ZFR2: variants seen among roughly 807,000 people sequenced by gnomAD.
ZFR2 encodes the protein zinc finger RNA binding protein 2.
Under a neutral mutation model 105.7 loss-of-function variants are expected in ZFR2, and 104 were observed. The ratio of observed to expected loss-of-function variants is 0.98; its 90% CI spans 0.84 to 1.16. ZFR2 has a LOEUF of 1.16. ZFR2 is among the 50% of genes most tolerant of loss of function. ZFR2 has a pLI of 0.00. For synonymous variants in ZFR2, 634 were observed against 597.7 expected (o/e 1.06, Z -0.89); for missense variants, 1,425 against 1,355.5 (o/e 1.05, Z -0.80).
At chr19:3,831,191 CCTT>C in intron 5 of ZFR2, 109 bp downstream of exon 5, 1 of 1,394,198 alleles carries the variant, frequency 7.2e-7, no homozygotes, top group Non-Finnish European at 9.4e-7. Context: ...TAACACCAGA[CCTT>C]CTTTCAGCAG....
Position 3,825,423 on chromosome 19 carries a change from C to T in ZFR2, c.1036-16G>A. On this transcript the variant is annotated splice_polypyrimidine_tract_variant and intron_variant, in intron 6 of 18. Coordinates refer to ENST00000262961, the MANE Select transcript of ZFR2 (RefSeq NM_015174.2). ...GCTTGAAGACCTGCAACAGACAGAG[C>T]CGGGCTCCCGCGTGAGGGCCGCTCC... 1 of 1,555,392 alleles carries T rather than the reference C, an allele frequency of 6.4e-7. No individual in the cohort carries two copies. Among genetic ancestry groups the T allele is most frequent in the Non-Finnish European group, 8.7e-7 (1 of 1,154,070 alleles).
chr19:3,820,242 G>C lies in ZFR2; in HGVS notation c.1680C>G (p.Pro560=). The C allele has an allele frequency of 6.5e-7, 1 of 1,549,636 alleles. No homozygotes were observed. The highest frequency in any genetic ancestry group is 8.7e-7 in the Non-Finnish European group (1 of 1,146,896). The stretch of plus-strand genomic sequence containing the variant: ...CCATGAGCAGAGGCTGGGCCCAGTC[G>C]GGCGGCGCGTGGGGCGGCACGTCCT... ...PPQDVPPHAP[P]DWAQPLLMGR... is the part of the protein sequence containing the mutation. Residue 560 remains proline, a synonymous_variant, in exon 11 of 19, where the codon CCC becomes CCG. Coordinates refer to ENST00000262961, the MANE Select transcript of ZFR2 (RefSeq NM_015174.2).
chr19:3,831,951 G>A, intron 3 of ZFR2, 73 bp from the exon 4 acceptor site: 1 of 1,307,658 alleles, frequency 7.6e-7, no homozygotes, highest in Non-Finnish European at 1.0e-6. Context: ...ATGGGCCCTG[G>A]ACTCAACTGG....
chr19:3,831,162 A>T, intron 5 of ZFR2, 141 bp downstream of exon 5: 1 of 1,209,350 alleles, frequency 8.3e-7, no homozygotes, highest in Non-Finnish European at 1.1e-6. Flanking sequence ...CACACAGGCC[A>T]TGCATACAAC....
At position 3,811,318 on chromosome 19, in the gene ZFR2, T is replaced by G; in HGVS notation, c.2291A>C (p.Lys764Thr). The change falls in exon 15 of 19, where the codon AAG (lysine) becomes ACG (threonine). Residue 764 changes from lysine to threonine, a missense_variant. Transcript: ENST00000262961. ...ADAGDVLSPK[K>T]CLESLAALRH... ...GAGGGCGGCCAGGGACTCGAGGCAC[T>G]TCTTGGGGCTCAGGACATCACCTGC... 6.2e-7 allele frequency: 1 copy of G among 1,605,864 alleles called. No homozygotes were observed. Among genetic ancestry groups the G allele is most frequent in the Non-Finnish European group, 8.5e-7 (1 of 1,176,832 alleles).
chr19:3,823,447 A>G lies in ZFR2; in HGVS notation c.1214-44T>C. Reference sequence around the variant, plus strand: ...TCACTTATACCCTGTTCCAGGAGAAAGCACTGCAGCTGCAGACCCGCCAGG... The same window carrying G: ...TCACTTATACCCTGTTCCAGGAGAAGGCACTGCAGCTGCAGACCCGCCAGG... On this transcript the variant is annotated intron_variant, in intron 7 of 18. Transcript: ENST00000262961. This position sits in a 1 kb window ranked among gnomAD's most constrained non-coding sequence, Gnocchi z 5.4. 1.0e-5 allele frequency: 16 copies of G among 1,534,766 alleles called. No individual in the cohort carries two copies. Among genetic ancestry groups the G allele is most frequent in the Non-Finnish European group, 1.4e-5 (16 of 1,142,082 alleles).
chr19:3,817,285 G>A lies in ZFR2; in HGVS notation c.1932-440C>T, dbSNP rs181754714. Reference sequence around the variant, plus strand: ...GAAAATTCACAAACCTAGGCCGGGCGCAGTGGCTCACGCCTGTAATCCCAG... The same window carrying A: ...GAAAATTCACAAACCTAGGCCGGGCACAGTGGCTCACGCCTGTAATCCCAG... On this transcript the variant is annotated intron_variant, in intron 12 of 18. Transcript: ENST00000262961. Among the ~76,000 whole-genome samples the A allele has an allele frequency of 2.8e-3, 424 of 152,114 alleles. 3 individuals are homozygous for A. Among genetic ancestry groups the A allele is most frequent in the African/African-American group, 9.5e-3 (395 of 41,480 alleles).
chr19:3,805,837 T>C lies in ZFR2; in HGVS notation c.*112A>G, dbSNP rs1420163869. Reference sequence around the variant, plus strand: ...TTAAAGGAAACCTACAGAGCGTTACTCAAAAGGAAATGACCATTGTCCAAC... The same window carrying C: ...TTAAAGGAAACCTACAGAGCGTTACCCAAAAGGAAATGACCATTGTCCAAC... On this transcript the variant is annotated 3_prime_UTR_variant, in exon 19 of 19. Transcript: ENST00000262961. The C allele has an allele frequency of 6.3e-6, 8 of 1,264,128 alleles. No individual in the cohort carries two copies. Among genetic ancestry groups the C allele is most frequent in the Non-Finnish European group, 8.4e-6 (8 of 955,368 alleles). The allele number at this position is 1,264,128 out of a possible 1,614,324, so 78.3% of individuals were successfully genotyped here.
chr19:3,847,659 C>T (rs867684899), intron 1 of ZFR2, among the ~76,000 whole-genome samples: 1 of 152,188 alleles, frequency 6.6e-6, no homozygotes, highest in Non-Finnish European at 1.5e-5. Flanking sequence ...AGGCTCAGGC[C>T]TCACCTTTTG....
At chr19:3,859,537 C>T (rs1006095388) in intron 1 of ZFR2, among the ~76,000 whole-genome samples, 5 of 152,232 alleles carry the variant, frequency 3.3e-5, no homozygotes, top group Admixed American at 6.5e-5. Context: ...TTCCGTGCCC[C>T]GGGAACCGCT....
intron 1 of ZFR2, among the ~76,000 whole-genome samples, chr19:3,840,522 C>G (rs1463801743): frequency 6.6e-6 from 1 of 151,522 alleles, no homozygotes; most frequent in East Asian, 2.0e-4. Context: ...CAGGCATGAG[C>G]CACTGTGCCT....
At chr19:3,856,679 G>T (rs1396112153) in intron 1 of ZFR2, among the ~76,000 whole-genome samples, 3 of 152,164 alleles carry the variant, frequency 2.0e-5, no homozygotes, top group African/African-American at 7.2e-5. Flanking sequence ...GAACTCACAG[G>T]CTACAGGGCC....
At chr19:3,845,374 C>A (rs566803352) in intron 1 of ZFR2, among the ~76,000 whole-genome samples, 36 of 151,872 alleles carry the variant, frequency 2.4e-4, no homozygotes, top group African/African-American at 8.7e-4. Context: ...GTAATCCCAG[C>A]ACTTTGGGAG....
At chr19:3,837,670 A>C (rs2038092212) in intron 1 of ZFR2, among the ~76,000 whole-genome samples, 1 of 151,900 alleles carries the variant, frequency 6.6e-6, no homozygotes, top group Non-Finnish European at 1.5e-5. Flanking sequence ...TGACCGTGAC[A>C]CTCGATGAAC....
chr19:3,808,865 G>A lies in ZFR2; in HGVS notation c.2545+7C>T, dbSNP rs957673805. The A allele has an allele frequency of 9.7e-6, 15 of 1,542,610 alleles. No individual in the cohort carries two copies. The highest frequency in any genetic ancestry group is 3.3e-4 in the Middle Eastern group (2 of 5,982). ...CACCTCCTGGGCCCTCCGGCCCAGC[G>A]ACTGACCTGTCAGGAGCGTCCCTGT... On this transcript the variant is annotated splice_region_variant and intron_variant, in intron 17 of 18. Coordinates refer to ENST00000262961, the MANE Select transcript of ZFR2 (RefSeq NM_015174.2).
chr19:3,825,264 G>A lies in ZFR2; in HGVS notation c.1179C>T (p.Ala393=). 3 of 1,557,504 alleles carry A rather than the reference G, an allele frequency of 1.9e-6. No homozygotes were observed. Among genetic ancestry groups the A allele is most frequent in the Non-Finnish European group, 2.6e-6 (3 of 1,160,212 alleles). Reference sequence around the variant, plus strand: ...AGGCCTTCGAGGCCACGGGTCTCTTGGCCAGCGCTGGCCTGCTCGAGGCAC... The same window carrying A: ...AGGCCTTCGAGGCCACGGGTCTCTTAGCCAGCGCTGGCCTGCTCGAGGCAC... The part of the protein sequence containing the change: ...SVCASSRPAL[A]KRPVASKALC... Residue 393 remains alanine, a synonymous_variant, in exon 7 of 19, where the codon GCC becomes GCT. Coordinates refer to ENST00000262961, the MANE Select transcript of ZFR2 (RefSeq NM_015174.2).
chr19:3,868,264 C>T (rs956668039), intron 1 of ZFR2, among the ~76,000 whole-genome samples: 1 of 151,602 alleles, frequency 6.6e-6, no homozygotes, highest in African/African-American at 2.4e-5. Context: ...AGCCAGGAAC[C>T]CTCGCTGATC....
At chr19:3,830,557 G>A (rs1188237245) in intron 5 of ZFR2, among the ~76,000 whole-genome samples, 5 of 152,158 alleles carry the variant, frequency 3.3e-5, no homozygotes, top group African/African-American at 1.2e-4. Context: ...GTGATCTGGG[G>A]CGGGAGGGGT....
In ZFR2 at chr19:3,831,694, CG is replaced by C. The variant is rs764459144; in HGVS notation, c.563del (p.Pro188ArgfsTer239). 5 of 1,572,254 alleles carry C rather than the reference CG, an allele frequency of 3.2e-6. No homozygotes were observed. Among genetic ancestry groups the C allele is most frequent in the Admixed American group, 1.8e-5 (1 of 55,822 alleles). On this transcript the variant is annotated frameshift_variant, in exon 4 of 19. Transcript: ENST00000262961. LOFTEE classifies it high-confidence loss of function. ...CGGTGCAGGTGGGGTTGTAGGAGGG[CG>C]GGGGGTAGGAGGTCACGATGGAAGC... ...SSASIVTSYP[P>X]PSYNPTCTAY...
Sources: allele counts gnomAD v4.1 joint callset (sites outside exome capture counted in the v4.1 genomes callset), GRCh38; gene constraint gnomAD v4.1.1; non-coding constraint Gnocchi (gnomAD v3.1); transcripts MANE v1.5; gene names NCBI Gene and HGNC (gene_info 2026-07-23, HGNC 2026-07-21).